Variants in ADGRE2 observed in about 807,000 individuals in gnomAD.
ADGRE2 encodes the protein adhesion G protein-coupled receptor E2.
A neutral mutation model predicts 100.8 loss-of-function variants in ADGRE2; 83 were observed. The ratio of observed to expected loss-of-function variants is 0.82; its 90% CI spans 0.69 to 0.99. The LOEUF is 0.99. ADGRE2 is among the 50% of genes least tolerant of loss of function. The probability of loss-of-function intolerance (pLI) is 0.00; values close to 1 mark genes in which losing one functional copy is unlikely to be tolerated. For synonymous variants in ADGRE2, 355 were observed against 413.0 expected, an observed-to-expected ratio of 0.86 and a Z score of 1.70; for missense variants, 814 against 1,035.7, an observed-to-expected ratio of 0.79 and a Z score of 2.94.
At chr19:14,741,980 A>G (rs1208588717) in intron 20 of ADGRE2, 2 of 398,454 alleles carry the variant, frequency 5.0e-6, no homozygotes, top group Non-Finnish European at 8.8e-6. Flanking sequence ...ATTGAGGCAT[A>G]GGATAATATG....
In ADGRE2 at chr19:14,776,577, G is replaced by GTGTGT. The variant is rs1055262385; in HGVS notation, c.31+148_31+149insACACA. 32 of 904,368 alleles carry GTGTGT rather than the reference G, an allele frequency of 3.5e-5. No homozygotes were observed. The African/African-American group carries it at 4.4e-4, about 12-fold the overall frequency. The allele number at this position is 904,368 out of a possible 1,614,324, so 56.0% of individuals were successfully genotyped here. A position where few individuals can be genotyped will look rare whatever the true frequency, so the allele number is the denominator to read the frequency against. On this transcript the variant is annotated intron_variant, in intron 2 of 20. Coordinates refer to ENST00000315576, the MANE Select transcript of ADGRE2 (RefSeq NM_013447.4). ...CCAAGCACCACCAGCCCCTCTCGCCGTGTGCCCGTGAGTGCCTGCTTGACC... is the reference window on the plus strand; with the variant it reads ...CCAAGCACCACCAGCCCCTCTCGCCGTGTGTTGTGCCCGTGAGTGCCTGCTTGACC...
At chr19:14,725,420 A>C in the ADGRE2 span, among the ~76,000 whole-genome samples, 2 of 152,138 alleles carry the variant, frequency 1.3e-5, no homozygotes, top group African/African-American at 4.8e-5. Context: ...AAATACAATC[A>C]TCCCTTCTAA....
chr19:14,739,572 T>C (rs2042864797), intron 20 of ADGRE2, among the ~76,000 whole-genome samples: 2 of 152,260 alleles, frequency 1.3e-5, no homozygotes, highest in South Asian at 4.1e-4. Flanking sequence ...GTTTTGATGA[T>C]TCTACAATAG....
At chr19:14,747,967 TACA>T (rs1254408010) in intron 16 of ADGRE2, among the ~76,000 whole-genome samples, 2 of 152,218 alleles carry the variant, frequency 1.3e-5, no homozygotes, top group Admixed American at 6.5e-5. Context: ...AGCATTCATG[TACA>T]ACATTTTTCT....
At chr19:14,751,694 C>T (rs780462553) in intron 15 of ADGRE2, 23 bp from the exon 16 acceptor site, 44 of 1,587,780 alleles carry the variant, frequency 2.8e-5, no homozygotes, top group Non-Finnish European at 3.8e-5. Flanking sequence ...TAAAAGACGC[C>T]CAGAGCGGCG....
rs2044243320 is a variant in ADGRE2, at chr19:14,772,398, T to C, written c.299A>G (p.Tyr100Cys). The C allele has an allele frequency of 2.5e-6, 4 of 1,614,108 alleles. No individual in the cohort carries two copies. The East Asian group carries it at 8.9e-5, about 36-fold the overall frequency. The part of the protein sequence containing the change: ...GSYDCVCSPG[Y>C]EPVSGAKTFK... ...TGTTTTTGCCCCAGAAACAGGCTCA[T>C]ATCCTGGGCTGCACACGCAGTCGTA... is the stretch of plus-strand genomic sequence containing the variant. The change falls in exon 5 of 21, where the codon TAT becomes TGT. Residue 100 changes from tyrosine (Y) to cysteine (C), a missense_variant. Tyr to Cys is a radical substitution (Grantham distance 194). Transcript: ENST00000315576.
intron 12 of ADGRE2, 92 bp downstream of exon 12, chr19:14,756,146 C>T: frequency 9.6e-7 from 1 of 1,040,168 alleles, no homozygotes; most frequent in Non-Finnish European, 1.5e-6. Context: ...CCCACACTTC[C>T]CTTTAATCTT....
At chr19:14,754,929 G>C in intron 14 of ADGRE2, 25 bp downstream of exon 14, 1 of 1,608,440 alleles carries the variant, frequency 6.2e-7, no homozygotes, top group Non-Finnish European at 8.5e-7. Flanking sequence ...TAAATGCAGA[G>C]TGCATCCCCT....
At chr19:14,746,195 C>A (rs1302673754) in intron 18 of ADGRE2, 37 bp downstream of exon 18, 6 of 1,278,470 alleles carry the variant, frequency 4.7e-6, no homozygotes, top group Non-Finnish European at 6.8e-6. Context: ...GGGAACCATA[C>A]ATGTCTGTGT....
chr19:14,776,034 C>T (rs540346238), intron 2 of ADGRE2, among the ~76,000 whole-genome samples: 1 of 152,156 alleles, frequency 6.6e-6, no homozygotes, highest in East Asian at 1.9e-4. Flanking sequence ...CACAGGAAAA[C>T]GCTGTGGCCG....
At chr19:14,746,375 C>CATT in intron 17 of ADGRE2, 52 bp from the exon 18 acceptor site, 1 of 777,284 alleles carries the variant, frequency 1.3e-6, no homozygotes, top group Non-Finnish European at 2.1e-6. Context: ...CCTGTTATCT[C>CATT]TTTTTTTTTT....
intron 20 of ADGRE2, among the ~76,000 whole-genome samples, chr19:14,736,833 T>TAG (rs1252845057): frequency 7.1e-6 from 1 of 140,200 alleles, no homozygotes; most frequent in Non-Finnish European, 1.5e-5. Flanking sequence ...TATAGATATT[T>TAG]AATATCTATA....
chr19:14,731,220 C>G, downstream of ADGRE2: 1 of 1,530,838 alleles, frequency 6.5e-7, no homozygotes, highest in Non-Finnish European at 8.8e-7. Flanking sequence ...TACTCTCTTG[C>G]ATGTTCAGAT....
intron 18 of ADGRE2, among the ~76,000 whole-genome samples, chr19:14,744,498 C>T (rs1448006426): frequency 6.6e-6 from 1 of 151,928 alleles, no homozygotes; most frequent in African/African-American, 2.4e-5. Flanking sequence ...CTCTGTCACC[C>T]AGGCTGGAGT....
intron 11 of ADGRE2, among the ~76,000 whole-genome samples, chr19:14,762,749 TTC>T (rs1278857477): frequency 6.6e-6 from 1 of 152,106 alleles, no homozygotes; most frequent in Non-Finnish European, 1.5e-5. Context: ...GCTCAAGTGA[TTC>T]TCCTGCCTCA....
intron 20 of ADGRE2, 93 bp downstream of exon 20, chr19:14,743,327 G>A (rs1351814597): frequency 3.1e-6 from 3 of 958,394 alleles, no homozygotes; most frequent in Non-Finnish European, 5.1e-6. Context: ...CTAGGGCATT[G>A]CCTGCTGTAT....
Position 14,766,375 on chromosome 19 carries a change from T to C in ADGRE2, c.494A>G (p.Asn165Ser), listed in dbSNP as rs1453625204. ...PEDPKLCTDV[N>S]ECTSGQNPCH... ...TGGGTTTTGTCCGGAGGTGCATTCA[T>C]TCACATCTGAGGACAAAGCCAGAGG... is the stretch of plus-strand genomic sequence containing the variant. The change falls in exon 7 of 21, where the codon AAT (asparagine) becomes AGT (serine). Residue 165 changes from asparagine (N) to serine (S), a missense_variant. Around this residue, in one of 5 missense-constraint regions of ADGRE2, gnomAD observed 69 missense variants for 75.3 expected, o/e 0.92. Transcript: ENST00000315576. 3.1e-6 allele frequency: 5 copies of C among 1,613,716 alleles called. No individual in the cohort carries two copies. Among genetic ancestry groups the C allele is most frequent in the African/African-American group, 1.3e-5 (1 of 74,986 alleles).
intron 18 of ADGRE2, among the ~76,000 whole-genome samples, chr19:14,744,108 CG>C (rs540119317): frequency 6.6e-6 from 1 of 150,914 alleles, no homozygotes; most frequent in African/African-American, 2.4e-5. Context: ...CAGGTGTGGT[CG>C]GGGGGGCGCC....
chr19:14,770,344 C>T (rs1177099453), intron 5 of ADGRE2, among the ~76,000 whole-genome samples: 3 of 152,130 alleles, frequency 2.0e-5, no homozygotes, highest in Non-Finnish European at 4.4e-5. Flanking sequence ...GTGGAAGCTC[C>T]CTAAGGCCCT....
Sources: gnomAD v4.1 joint callset for allele counts (sites outside exome capture counted in the v4.1 genomes callset) on GRCh38, gnomAD v4.1.1 for gene constraint, gnomAD v4.1.1 regional missense constraint, MANE v1.5 for transcripts, NCBI Gene and HGNC (gene_info 2026-07-23, HGNC 2026-07-21) for gene names.